The following TTC28 variants were observed in gnomAD, a reference collection of about 807,000 sequenced individuals.
TTC28 encodes tetratricopeptide repeat domain 28.
In TTC28, 61 loss-of-function variants were observed where a neutral mutation model predicts 198.0. The ratio of observed to expected loss-of-function variants is 0.31; its 90% CI spans 0.25 to 0.38. TTC28 has a LOEUF of 0.38. Ranked by LOEUF, TTC28 falls within the 10% of genes least tolerant of loss-of-function variation. The pLI is 1.00. For missense variants in TTC28, 2,678 were observed against 3,164.0 expected, an observed-to-expected ratio of 0.85 and a Z score of 3.69; for synonymous variants, 1,171 against 1,297.8, an observed-to-expected ratio of 0.90 and a Z score of 2.10.
At chr22:28,612,523 A>C (rs142880808) in intron 2 of TTC28, among the ~76,000 whole-genome samples, 1 of 152,212 alleles carries the variant, frequency 6.6e-6, no homozygotes, top group Admixed American at 6.5e-5. Context: ...CAGAATATAC[A>C]TTCTTCTCAG....
intron 2 of TTC28, among the ~76,000 whole-genome samples, chr22:28,463,467 T>C (rs979497010): frequency 6.6e-6 from 1 of 152,166 alleles, no homozygotes; most frequent in Non-Finnish European, 1.5e-5. Flanking sequence ...TGCACACATG[T>C]GTTTATTGCA....
intron 10 of TTC28, among the ~76,000 whole-genome samples, chr22:28,098,575 CT>C (rs544253005): frequency 1.3e-5 from 2 of 150,424 alleles, no homozygotes; most frequent in African/African-American, 4.9e-5. Context: ...TTTTAAGAGA[CT>C]TTATTTCCAC....
chr22:28,284,842 TAAC>T (rs944310992), intron 5 of TTC28, among the ~76,000 whole-genome samples: 7 of 152,140 alleles, frequency 4.6e-5, no homozygotes, highest in African/African-American at 9.7e-5. Context: ...ACAAAAGAGA[TAAC>T]AATTGTTTGC....
At chr22:28,043,749 G>A (rs1014569600) in intron 12 of TTC28, among the ~76,000 whole-genome samples, 18 of 152,258 alleles carry the variant, frequency 1.2e-4, no homozygotes, top group African/African-American at 4.1e-4. Context: ...GGGAGAGGAT[G>A]GGCAGGGCGG....
At chr22:28,650,559 T>C (rs1041404856) in intron 1 of TTC28, among the ~76,000 whole-genome samples, 2 of 152,134 alleles carry the variant, frequency 1.3e-5, no homozygotes, top group African/African-American at 2.4e-5. Flanking sequence ...AAAAGAAACC[T>C]GCCATGAGAT....
intron 2 of TTC28, among the ~76,000 whole-genome samples, chr22:28,578,010 T>C (rs905460580): frequency 7.2e-5 from 11 of 152,142 alleles, no homozygotes; most frequent in African/African-American, 2.2e-4. Context: ...TTTTATGTGT[T>C]TTCTGGTTGT....
At chr22:28,520,985 G>A (rs974809323) in intron 2 of TTC28, among the ~76,000 whole-genome samples, 13 of 152,078 alleles carry the variant, frequency 8.5e-5, no homozygotes, top group Admixed American at 6.6e-4. Flanking sequence ...CCTGGCAGGC[G>A]GAGGTTGCAG....
At position 28,606,177 on chromosome 22, in the gene TTC28, G is replaced by A. The variant is rs553251674; in HGVS notation, c.381+23375C>T. Among the ~76,000 whole-genome samples the A allele has an allele frequency of 3.4e-3, 511 of 151,334 alleles. 4 individuals are homozygous for A. Among genetic ancestry groups the A allele is most frequent in the African/African-American group, 0.011 (470 of 41,184 alleles). On this transcript the variant is annotated intron_variant, in intron 2 of 22. Transcript: ENST00000397906. ...CGGCTCACTGCAACCTCCACCTCCTGGGTTCAAGCGATTCTCCTGCCTCAG... is the reference window on the plus strand; with the variant it reads ...CGGCTCACTGCAACCTCCACCTCCTAGGTTCAAGCGATTCTCCTGCCTCAG...
chr22:28,503,102 T>C (rs2048558800), intron 2 of TTC28, among the ~76,000 whole-genome samples: 1 of 152,184 alleles, frequency 6.6e-6, no homozygotes, highest in African/African-American at 2.4e-5. Context: ...TTCTTTGTGC[T>C]CCAAACACAC....
At chr22:28,330,692 C>G (rs1898188562) in intron 2 of TTC28, among the ~76,000 whole-genome samples, 1 of 152,078 alleles carries the variant, frequency 6.6e-6, no homozygotes, top group Non-Finnish European at 1.5e-5. Context: ...CACCTTACAT[C>G]AAGACTGTAT....
chr22:28,295,215 C>T (rs1174528173), intron 5 of TTC28, among the ~76,000 whole-genome samples: 1 of 152,112 alleles, frequency 6.6e-6, no homozygotes, highest in African/African-American at 2.4e-5. Flanking sequence ...TCCTGAGACA[C>T]GTAGTTGCTG....
chr22:28,427,608 G>A (rs574018085), intron 2 of TTC28, among the ~76,000 whole-genome samples: 2 of 152,184 alleles, frequency 1.3e-5, no homozygotes, highest in Non-Finnish European at 2.9e-5. Context: ...AGCAGAGATC[G>A]CGCCACCGCA....
In TTC28 at chr22:27,999,013, A is replaced by T. The variant is rs1169889130; in HGVS notation, c.4646T>A (p.Ile1549Asn). The change falls in exon 16 of 23, where the codon ATC (isoleucine) becomes AAC (asparagine). Residue 1549 changes from isoleucine (I) to asparagine (N), a missense_variant. Ile to Asn is a moderately radical substitution (Grantham distance 149). Coordinates refer to ENST00000397906, the MANE Select transcript of TTC28 (RefSeq NM_001145418.2). ...GACCAAGGCCGACAGCTTCCAGGAGATGTGGGTGGCAAAGTGGACGCATTC... is the reference window on the plus strand; with the variant it reads ...GACCAAGGCCGACAGCTTCCAGGAGTTGTGGGTGGCAAAGTGGACGCATTC... Reference protein sequence around the residue: ...QAECVHFATHISWKLSALVLT... With the variant: ...QAECVHFATHNSWKLSALVLT... 1.3e-6 allele frequency: 2 copies of T among 1,550,404 alleles called. No homozygotes were observed. Among genetic ancestry groups the T allele is most frequent in the Admixed American group, 2.0e-5 (1 of 51,004 alleles).
chr22:28,628,844 G>A lies in TTC28; in HGVS notation c.381+708C>T, dbSNP rs186865210. Among the ~76,000 whole-genome samples the A allele has an allele frequency of 7.7e-4, 117 of 152,142 alleles. 1 individual carries two copies. Among genetic ancestry groups the A allele is most frequent in the Middle Eastern group, 3.4e-3 (1 of 294 alleles). Reference sequence around the variant, plus strand: ...AGTCCCAGCTACTCAGGAGGCAGAGGTTGCAGTGAGTCAAGATTGCACCAC... The same window carrying A: ...AGTCCCAGCTACTCAGGAGGCAGAGATTGCAGTGAGTCAAGATTGCACCAC... On this transcript the variant is annotated intron_variant, in intron 2 of 22. Transcript: ENST00000397906.
intron 2 of TTC28, among the ~76,000 whole-genome samples, chr22:28,314,277 G>T (rs960914329): frequency 1.3e-5 from 2 of 152,082 alleles, no homozygotes; most frequent in African/African-American, 4.8e-5. Context: ...TGTGAAAATG[G>T]CCTTATTACC....
In TTC28 at chr22:28,679,786, C is replaced by G. The variant is rs1229600259; in HGVS notation, c.-63G>C. 12 of 901,308 alleles carry G rather than the reference C, an allele frequency of 1.3e-5. No individual in the cohort carries two copies. The highest frequency in any genetic ancestry group is 1.7e-5 in the Non-Finnish European group (12 of 710,614). The allele number at this position is 901,308 out of a possible 1,614,324, so 55.8% of individuals were successfully genotyped here. A position where few individuals can be genotyped will look rare whatever the true frequency, so the allele number is the denominator to read the frequency against. On this transcript the variant is annotated 5_prime_UTR_variant, in exon 1 of 23. Coordinates refer to ENST00000397906, the MANE Select transcript of TTC28 (RefSeq NM_001145418.2). ...GGTCCCGCCAGCTAGGCGCGCGCGC[C>G]GGTTCCGCGCGCCATGTTCCCGCCG...
chr22:28,481,806 T>C (rs1029196127), intron 2 of TTC28, among the ~76,000 whole-genome samples: 2 of 152,180 alleles, frequency 1.3e-5, no homozygotes, highest in Non-Finnish European at 2.9e-5. Context: ...CAATTAAATG[T>C]TGGTTTTGTG....
chr22:28,018,573 C>T (rs1569085696), intron 13 of TTC28, among the ~76,000 whole-genome samples: 1 of 152,200 alleles, frequency 6.6e-6, no homozygotes, highest in Non-Finnish European at 1.5e-5. Context: ...TCCTTAGTAG[C>T]TCTTCACGCA....
chr22:28,266,731 C>A (rs909364198), intron 5 of TTC28, among the ~76,000 whole-genome samples: 2 of 152,104 alleles, frequency 1.3e-5, no homozygotes, highest in African/African-American at 2.4e-5. Flanking sequence ...CCATGGAACC[C>A]AGCTCAGATC....
Sources: allele counts gnomAD v4.1 joint callset (sites outside exome capture counted in the v4.1 genomes callset), GRCh38; gene constraint gnomAD v4.1.1; transcripts MANE v1.5; gene names NCBI Gene and HGNC (gene_info 2026-07-23, HGNC 2026-07-21).